The following SMAD9 variants were observed in gnomAD, a reference collection of about 807,000 sequenced individuals.
SMAD9 encodes MAD homolog 9.
A neutral mutation model predicts 46.1 loss-of-function variants in SMAD9; 36 were observed. The ratio of observed to expected loss-of-function variants is 0.78; its 90% CI spans 0.60 to 1.03. The LOEUF (loss-of-function observed/expected upper bound fraction) is 1.03, where lower values mean the gene tolerates loss of function less well. SMAD9 is among the 50% of genes least tolerant of loss of function. SMAD9 has a pLI of 0.00. For synonymous variants in SMAD9, 245 were observed against 237.1 expected (o/e 1.03, Z -0.31); for missense variants, 572 against 599.8 (o/e 0.95, Z 0.48).
chr13:36,861,195 T>C (rs1238181169), intron 5 of SMAD9, among the ~76,000 whole-genome samples: 13 of 152,212 alleles, frequency 8.5e-5, no homozygotes, highest in Admixed American at 6.5e-5. Flanking sequence ...CAACATGACC[T>C]TCCTTTAGCA....
intron 6 of SMAD9, chr13:36,852,393 G>C (rs2058081791): frequency 1.1e-5 from 11 of 984,912 alleles, no homozygotes; most frequent in Non-Finnish European, 1.2e-5. Context: ...AGACTCATTT[G>C]CGAGTACTTT....
In SMAD9 at chr13:36,875,793, A is replaced by G. The variant is rs1056273299; in HGVS notation, c.413-2878T>C. Among the ~76,000 whole-genome samples, 7 of 152,188 alleles carry G rather than the reference A, an allele frequency of 4.6e-5. No individual in the cohort carries two copies. The East Asian group carries it at 9.6e-4, about 21-fold the overall frequency. On this transcript the variant is annotated intron_variant, in intron 2 of 6. Transcript: ENST00000379826. ...CACTGATAAAAATATAATGCCTCCT[A>G]TCCATCTGAATGTAGAGACTTCTAT...
rs78714421 is a variant in SMAD9 at position 36,853,818 on chromosome 13, G to C, written c.1004-143C>G. 1.7e-5 allele frequency: 14 copies of C among 837,254 alleles called. No homozygotes were observed. The East Asian group carries it at 3.6e-4, about 21-fold the overall frequency. The allele number at this position is 837,254 out of a possible 1,614,324, so 51.9% of individuals were successfully genotyped here. On this transcript the variant is annotated intron_variant, in intron 5 of 6. Coordinates refer to ENST00000379826, the MANE Select transcript of SMAD9 (RefSeq NM_001127217.3). ...GATGAATGAGATGTGTGACCTAAAT[G>C]CCGCTTAGTTTAATGATAATCTGTG...
At chr13:36,890,061 C>A (rs375075029) in intron 1 of SMAD9, among the ~76,000 whole-genome samples, 5 of 152,176 alleles carry the variant, frequency 3.3e-5, no homozygotes, top group South Asian at 2.1e-4. Flanking sequence ...AATAAATATC[C>A]TTTTATTCAA....
At chr13:36,858,699 A>G (rs12872553) in intron 5 of SMAD9, among the ~76,000 whole-genome samples, 3,237 of 152,322 alleles carry the variant, frequency 0.021, 84 homozygotes, top group South Asian at 0.12. Context: ...CCCACTATAG[A>G]AAATTTAGAA....
At chr13:36,867,213 G>A in intron 4 of SMAD9, 60 bp downstream of exon 4, 1 of 1,108,292 alleles carries the variant, frequency 9.0e-7, no homozygotes, top group South Asian at 1.3e-5. Context: ...TGCTTTGTTT[G>A]GGGGTAATAG....
chr13:36,857,055 C>T (rs969654098), intron 5 of SMAD9, among the ~76,000 whole-genome samples: 1 of 151,944 alleles, frequency 6.6e-6, no homozygotes, highest in Non-Finnish European at 1.5e-5. Flanking sequence ...CCACCTGCCT[C>T]GGCCTCCCAA....
chr13:36,901,970 A>G (rs1463682375), intron 1 of SMAD9, among the ~76,000 whole-genome samples: 1 of 152,080 alleles, frequency 6.6e-6, no homozygotes, highest in African/African-American at 2.4e-5. Context: ...TATTTTCATT[A>G]TGTCATTTGA....
At chr13:36,875,111 C>T (rs1244569243) in intron 2 of SMAD9, among the ~76,000 whole-genome samples, 1 of 151,860 alleles carries the variant, frequency 6.6e-6, no homozygotes, top group East Asian at 1.9e-4. Flanking sequence ...ATAAATAGGA[C>T]AGATCTTGGT....
In SMAD9 at chr13:36,901,504, T is replaced by C. The variant is rs540082035; in HGVS notation, c.-187+18612A>G. ...GTGCAATGGTGCGATCTCAGCTCAC[T>C]GCAACCTCCGCCTCCCAGGTTCAAG... On this transcript the variant is annotated intron_variant, in intron 1 of 6. Transcript: ENST00000379826. Among the ~76,000 whole-genome samples, 218 of 151,206 alleles carry C rather than the reference T, an allele frequency of 1.4e-3. No homozygotes were observed. The Middle Eastern group carries it at 0.017, about 12-fold the overall frequency.
chr13:36,885,247 T>C (rs1186545915), intron 1 of SMAD9, among the ~76,000 whole-genome samples: 1 of 152,220 alleles, frequency 6.6e-6, no homozygotes, highest in Non-Finnish European at 1.5e-5. Context: ...TAATAACTTA[T>C]TTATACTTTA....
chr13:36,890,181 G>A (rs796117077), intron 1 of SMAD9, among the ~76,000 whole-genome samples: 48 of 151,574 alleles, frequency 3.2e-4, no homozygotes, highest in African/African-American at 1.2e-3. Flanking sequence ...CAATTTTTTG[G>A]TCAGAAAAAA....
rs572474065 is a variant in SMAD9 at position 36,906,167 on chromosome 13, G to T, written c.-187+13949C>A. On this transcript the variant is annotated intron_variant, in intron 1 of 6. Coordinates refer to ENST00000379826, the MANE Select transcript of SMAD9 (RefSeq NM_001127217.3). ...TTTGAAGAATAAATGCTGTGTCATT[G>T]AATGTTATATCACACACTGGACTGT... Among the ~76,000 whole-genome samples the T allele has an allele frequency of 2.6e-5, 4 of 152,138 alleles. No individual in the cohort carries two copies. In the East Asian group the frequency reaches 7.7e-4, roughly 29 times the overall value.
At chr13:36,871,618 T>C (rs955232238) in intron 3 of SMAD9, among the ~76,000 whole-genome samples, 12 of 152,210 alleles carry the variant, frequency 7.9e-5, no homozygotes, top group Admixed American at 2.0e-4. Context: ...GGCTCTGTGC[T>C]AGACATAGAA....
At chr13:36,905,833 A>AT (rs61098969) in intron 1 of SMAD9, among the ~76,000 whole-genome samples, 3 of 130,496 alleles carry the variant, frequency 2.3e-5, no homozygotes, top group Non-Finnish European at 4.8e-5. Context: ...CCTTTGTTAT[A>AT]TTTTTTTAAA....
intron 1 of SMAD9, among the ~76,000 whole-genome samples, chr13:36,907,986 C>A (rs1381101586): frequency 6.6e-6 from 1 of 152,230 alleles, no homozygotes; most frequent in African/African-American, 2.4e-5. Flanking sequence ...CAGCAGCCCA[C>A]CCTCTCTGAA....
intron 6 of SMAD9, chr13:36,851,912 G>A: frequency 5.2e-6 from 5 of 967,782 alleles, no homozygotes; most frequent in Non-Finnish European, 6.1e-6. Flanking sequence ...TAATCAGAGT[G>A]AAATAATTAC....
intron 1 of SMAD9, among the ~76,000 whole-genome samples, chr13:36,902,917 T>A (rs949506992): frequency 6.6e-6 from 1 of 152,132 alleles, no homozygotes; most frequent in Non-Finnish European, 1.5e-5. Flanking sequence ...ATATTATGTG[T>A]TTGATGTTTG....
At chr13:36,862,513 G>A (rs1444083465) in intron 5 of SMAD9, among the ~76,000 whole-genome samples, 1 of 151,962 alleles carries the variant, frequency 6.6e-6, no homozygotes, top group Non-Finnish European at 1.5e-5. Context: ...AGTCTAAAAA[G>A]GAAATGAACC....
Sources: allele counts gnomAD v4.1 joint callset (sites outside exome capture counted in the v4.1 genomes callset), GRCh38; gene constraint gnomAD v4.1.1; transcripts MANE v1.5; gene names NCBI Gene and HGNC (gene_info 2026-07-23, HGNC 2026-07-21).